The following NTRK2 variants were observed in gnomAD, a reference collection of about 807,000 sequenced individuals.
NTRK2 encodes the protein neurotrophic receptor tyrosine kinase 2.
NTRK2 carries 13 observed loss-of-function variants against 94.5 expected under a neutral mutation model. The observed-to-expected ratio is 0.14, with a 90% CI of 0.09 to 0.22. The LOEUF is 0.22. Among genes scored for constraint, NTRK2 ranks in the 10% least tolerant of loss-of-function variants. NTRK2 has a pLI of 1.00. For missense variants in NTRK2, 639 were observed against 1,071.2 expected, an observed-to-expected ratio of 0.60 and a Z score of 5.63; for synonymous variants, 372 against 407.4, an observed-to-expected ratio of 0.91 and a Z score of 1.05.
chr9:84,814,135 C>T, intron 12 of NTRK2: 3 of 1,065,434 alleles, frequency 2.8e-6, no homozygotes, highest in Non-Finnish European at 3.4e-6. Context: ...GTTTTCTTTC[C>T]AGAAATAGGT....
intron 14 of NTRK2, among the ~76,000 whole-genome samples, chr9:84,926,161 C>CTTGCTTTCTTT (rs2077782785): frequency 3.1e-5 from 2 of 63,780 alleles, no homozygotes; most frequent in Admixed American, 1.7e-4. Context: ...TTCCTTCCTT[C>CTTGCTTTCTTT]CTTCCTTCCT....
chr9:84,790,037 A>T (rs978030576), intron 12 of NTRK2, among the ~76,000 whole-genome samples: 1 of 152,148 alleles, frequency 6.6e-6, no homozygotes, highest in East Asian at 1.9e-4. Context: ...TTGACTGGTG[A>T]TGAAGGGAGG....
At chr9:84,957,033 A>T (rs542314499) in intron 17 of NTRK2, among the ~76,000 whole-genome samples, 1 of 152,238 alleles carries the variant, frequency 6.6e-6, no homozygotes, top group South Asian at 2.1e-4. Context: ...GATATTTAAA[A>T]CGTGGGGAGA....
Position 84,828,992 on chromosome 9 carries a change from T to G in NTRK2, c.1397-32048T>G, listed in dbSNP as rs533125150. 6.1e-3 allele frequency among the ~76,000 whole-genome samples: 926 copies of G among 150,952 alleles called. 9 individuals are homozygous for G. The highest frequency in any genetic ancestry group is 0.021 in the African/African-American group (878 of 40,874). On this transcript the variant is annotated intron_variant, in intron 12 of 18. Coordinates refer to ENST00000277120, the MANE Select transcript of NTRK2 (RefSeq NM_006180.6). ...AAGCCAGAAATCTATGGTGTTTTTT[T>G]TTTGTTGTTTGTTTGTTTGTTTTGA...
chr9:84,812,400 A>G, intron 12 of NTRK2: 20 of 1,057,398 alleles, frequency 1.9e-5, no homozygotes, highest in Non-Finnish European at 2.3e-5. Flanking sequence ...CCAGTTCTCA[A>G]GTTTTCCTCC....
At chr9:84,725,090 G>T (rs2062350036) in intron 8 of NTRK2, among the ~76,000 whole-genome samples, 1 of 152,086 alleles carries the variant, frequency 6.6e-6, no homozygotes, top group Non-Finnish European at 1.5e-5. Flanking sequence ...TTCTGAGCTG[G>T]CACGGTATAA....
At chr9:84,836,627 T>C (rs2073886193) in intron 12 of NTRK2, among the ~76,000 whole-genome samples, 1 of 145,506 alleles carries the variant, frequency 6.9e-6, no homozygotes, top group African/African-American at 2.6e-5. Flanking sequence ...GGACCACAGT[T>C]TCTTGTCCAA....
intron 17 of NTRK2, among the ~76,000 whole-genome samples, chr9:84,983,607 GT>G (rs1241247082): frequency 1.3e-5 from 2 of 152,164 alleles, no homozygotes; most frequent in African/African-American, 4.8e-5. Flanking sequence ...ATCTGGGATA[GT>G]GTAAAAAGAG....
intron 17 of NTRK2, among the ~76,000 whole-genome samples, chr9:84,983,722 T>C (rs986342419): frequency 6.6e-6 from 1 of 152,184 alleles, no homozygotes; most frequent in African/African-American, 2.4e-5. Context: ...TATTTTAACA[T>C]CCCTACTGCC....
chr9:84,919,978 G>A (rs1480313450), intron 14 of NTRK2, among the ~76,000 whole-genome samples: 1 of 152,158 alleles, frequency 6.6e-6, no homozygotes. Context: ...CAATTGAACT[G>A]AAGCTTCCAT....
chr9:84,871,784 T>G, intron 14 of NTRK2: 1 of 1,613,618 alleles, frequency 6.2e-7, no homozygotes, highest in Non-Finnish European at 8.5e-7. Flanking sequence ...TCTACTTTAT[T>G]GCAGGGCCCA....
chr9:84,834,540 G>A (rs1459673803), intron 12 of NTRK2, among the ~76,000 whole-genome samples: 3 of 152,022 alleles, frequency 2.0e-5, no homozygotes, highest in African/African-American at 7.3e-5. Flanking sequence ...CACTTAGTCT[G>A]GAGCATCTAG....
intron 17 of NTRK2, among the ~76,000 whole-genome samples, chr9:84,986,416 G>A (rs185504880): frequency 1.2e-4 from 19 of 152,198 alleles, no homozygotes; most frequent in Non-Finnish European, 2.5e-4. Flanking sequence ...CACATGCACA[G>A]TTCACAGTAG....
chr9:84,873,854 G>T, intron 14 of NTRK2: 1 of 1,059,066 alleles, frequency 9.4e-7, no homozygotes, highest in Non-Finnish European at 1.1e-6. Flanking sequence ...CCTAAGCTTG[G>T]TGTCTGAAAA....
chr9:84,773,284 T>C (rs1018209847), intron 12 of NTRK2, among the ~76,000 whole-genome samples: 3 of 152,246 alleles, frequency 2.0e-5, no homozygotes. Context: ...TGGACTCTTA[T>C]AGACCCTGAG....
intron 17 of NTRK2, among the ~76,000 whole-genome samples, chr9:84,970,578 T>C (rs1372926279): frequency 6.6e-6 from 1 of 151,922 alleles, no homozygotes; most frequent in Non-Finnish European, 1.5e-5. Context: ...TCAGGGTGAG[T>C]CAGCGCTGGG....
intron 12 of NTRK2, among the ~76,000 whole-genome samples, chr9:84,817,624 G>T (rs2072512403): frequency 6.6e-6 from 1 of 152,152 alleles, no homozygotes; most frequent in Admixed American, 6.5e-5. Context: ...TTTCAACAGG[G>T]AATGCATTAA....
intron 4 of NTRK2, among the ~76,000 whole-genome samples, chr9:84,706,723 G>T (rs1207159608): frequency 6.6e-6 from 1 of 151,532 alleles, no homozygotes. Context: ...GTGGAGACGG[G>T]GTTTCACTGT....
At chr9:84,811,280 AC>A (rs1225052010) in intron 12 of NTRK2, 4 of 1,061,354 alleles carry the variant, frequency 3.8e-6, no homozygotes, top group Non-Finnish European at 4.6e-6. Flanking sequence ...AGCCAGCAAA[AC>A]AAAACAAAAC....
Sources: allele counts gnomAD v4.1 joint callset (sites outside exome capture counted in the v4.1 genomes callset), GRCh38; gene constraint gnomAD v4.1.1; transcripts MANE v1.5; gene names NCBI Gene and HGNC (gene_info 2026-07-23, HGNC 2026-07-21).